NSRP1: variants seen among roughly 807,000 people sequenced by gnomAD.
The protein encoded by NSRP1 is coiled-coil domain containing 55.
A neutral mutation model predicts 54.7 loss-of-function variants in NSRP1; 24 were observed. That is an observed-to-expected ratio of 0.44 (90% CI 0.32 to 0.62). NSRP1 has a LOEUF of 0.62. Among genes scored for constraint, NSRP1 ranks in the 20% least tolerant of loss-of-function variants. NSRP1 has a pLI of 0.06. For missense variants in NSRP1, 596 were observed against 651.2 expected (o/e 0.92, Z 0.92); for synonymous variants, 210 against 213.8 (o/e 0.98, Z 0.15).
intron 2 of NSRP1, among the ~76,000 whole-genome samples, chr17:30,151,774 CTTTTTTTTTTTTTTT>C (rs780507533): frequency 2.2e-4 from 11 of 48,920 alleles, no homozygotes; most frequent in Non-Finnish European, 3.2e-4. Context: ...TTGTCACTTT[CTTTTTTTTTTTTTTT>C]TTTTTTTTTT....
chr17:30,166,503 A>G (rs73987728), intron 2 of NSRP1, among the ~76,000 whole-genome samples: 4,187 of 152,272 alleles, frequency 0.027, 168 homozygotes, highest in African/African-American at 0.095. Context: ...TTGTGTTAGT[A>G]TTTGAAAAAA....
At chr17:30,181,088 C>T (rs1385639024) in intron 6 of NSRP1, 72 bp downstream of exon 6, 2 of 958,104 alleles carry the variant, frequency 2.1e-6, no homozygotes, top group East Asian at 4.9e-5. Flanking sequence ...GTCATTTTAA[C>T]CCTCTGAAAG....
chr17:30,134,258 G>A (rs556754061), intron 2 of NSRP1, among the ~76,000 whole-genome samples: 5 of 152,154 alleles, frequency 3.3e-5, no homozygotes, highest in African/African-American at 7.2e-5. Context: ...AAACAGATAC[G>A]TTAATAACAC....
chr17:30,162,097 C>T (rs1178996888), intron 2 of NSRP1, among the ~76,000 whole-genome samples: 2 of 150,428 alleles, frequency 1.3e-5, no homozygotes, highest in Non-Finnish European at 2.9e-5. Flanking sequence ...TCTCAGCTCA[C>T]TACAACCTCC....
chr17:30,117,051 G>T, intron 1 of NSRP1, 188 bp downstream of exon 1: 1 of 795,230 alleles, frequency 1.3e-6, no homozygotes, highest in Non-Finnish European at 2.2e-6. Flanking sequence ...ATGGAAGCCC[G>T]AAGTTTGAGG....
chr17:30,171,953 CA>C (rs1904947358), intron 2 of NSRP1, among the ~76,000 whole-genome samples: 1 of 134,276 alleles, frequency 7.4e-6, no homozygotes, highest in African/African-American at 2.8e-5. Flanking sequence ...CACACACACA[CA>C]CACACACACA....
chr17:30,184,545 C>G (rs557375052), intron 6 of NSRP1, 70 bp from the exon 7 acceptor site: 576 of 1,486,674 alleles, frequency 3.9e-4, no homozygotes, highest in Non-Finnish European at 5.0e-4. Flanking sequence ...ATTATATGAA[C>G]CCTTCATTTG....
At chr17:30,153,684 T>G (rs2071934645) in intron 2 of NSRP1, among the ~76,000 whole-genome samples, 5 of 152,086 alleles carry the variant, frequency 3.3e-5, no homozygotes, top group Admixed American at 3.3e-4. Context: ...TGTGGCTACT[T>G]TTGTGCTACA....
At chr17:30,118,438 A>G (rs1328082273) in intron 2 of NSRP1, among the ~76,000 whole-genome samples, 1 of 152,232 alleles carries the variant, frequency 6.6e-6, no homozygotes, top group Non-Finnish European at 1.5e-5. Flanking sequence ...TTGTTGGTGT[A>G]AAGATCCCTA....
At chr17:30,162,127 T>C (rs1904540626) in intron 2 of NSRP1, among the ~76,000 whole-genome samples, 1 of 151,296 alleles carries the variant, frequency 6.6e-6, no homozygotes, top group South Asian at 2.1e-4. Context: ...CAGGTTCAGG[T>C]GATTCTCCTG....
chr17:30,123,526 G>A (rs1281488216), intron 2 of NSRP1, among the ~76,000 whole-genome samples: 1 of 152,128 alleles, frequency 6.6e-6, no homozygotes, highest in Non-Finnish European at 1.5e-5. Context: ...TGGGTTGTCT[G>A]TTCACTTTTC....
At chr17:30,181,086 A>G in intron 6 of NSRP1, 70 bp downstream of exon 6, 1 of 960,084 alleles carries the variant, frequency 1.0e-6, no homozygotes, top group South Asian at 1.3e-5. Flanking sequence ...GGGTCATTTT[A>G]ACCCTCTGAA....
chr17:30,142,041 T>A (rs2071810352), intron 2 of NSRP1, among the ~76,000 whole-genome samples: 1 of 152,216 alleles, frequency 6.6e-6, no homozygotes, highest in African/African-American at 2.4e-5. Flanking sequence ...AGGTGGGGCA[T>A]GCTCTCTTTG....
chr17:30,145,210 A>G lies in NSRP1; in HGVS notation c.114+27037A>G, dbSNP rs2071842695. ...TTTAAAAAATTCTCATACATGTCCCAGTAGAAACCCTTGTGAAAGTTTTTA... is the reference window on the plus strand; with the variant it reads ...TTTAAAAAATTCTCATACATGTCCCGGTAGAAACCCTTGTGAAAGTTTTTA... On this transcript the variant is annotated intron_variant, in intron 2 of 6. Transcript: ENST00000247026. 2.0e-5 allele frequency among the ~76,000 whole-genome samples: 3 copies of G among 152,316 alleles called. No individual in the cohort carries two copies. In the South Asian group the frequency reaches 6.2e-4, roughly 32 times the overall value.
intron 2 of NSRP1, among the ~76,000 whole-genome samples, chr17:30,132,709 A>G (rs568189925): frequency 1.3e-5 from 2 of 152,272 alleles, no homozygotes; most frequent in African/African-American, 4.8e-5. Flanking sequence ...TGCCATTTCT[A>G]CCCCATCTGT....
intron 2 of NSRP1, among the ~76,000 whole-genome samples, chr17:30,137,644 A>C (rs2151885063): frequency 6.6e-6 from 1 of 152,362 alleles, no homozygotes; most frequent in Non-Finnish European, 1.5e-5. Context: ...TCTCAAAATT[A>C]ACCAATAACT....
intron 1 of NSRP1, chr17:30,117,190 T>C: frequency 2.9e-6 from 2 of 688,018 alleles, no homozygotes; most frequent in South Asian, 3.1e-5. Flanking sequence ...TCTCCCCGCT[T>C]GGATGCTCTC....
chr17:30,134,520 G>C (rs781309991), intron 2 of NSRP1, among the ~76,000 whole-genome samples: 1 of 152,198 alleles, frequency 6.6e-6, no homozygotes, highest in Admixed American at 6.5e-5. Context: ...TGTTGTCTTA[G>C]GATAGAGATA....
At position 30,186,000 on chromosome 17, in the gene NSRP1, T is replaced by G; in HGVS notation, c.*326T>G. On this transcript the variant is annotated 3_prime_UTR_variant, in exon 7 of 7. Transcript: ENST00000247026. ...AAAAAATAATTTTGGCCAGATACGG[T>G]AGCTCGTGCCTGTAATACCAACATT... 5.9e-6 allele frequency: 1 copy of G among 169,846 alleles called. No homozygotes were observed. Among genetic ancestry groups the G allele is most frequent in the Non-Finnish European group, 1.2e-5 (1 of 80,376 alleles). 10.5% of individuals were successfully genotyped at this position (169,846 alleles called of 1,614,324 possible). A position where few individuals can be genotyped will look rare whatever the true frequency, so the allele number is the denominator to read the frequency against.
Sources: gnomAD v4.1 joint callset for allele counts (sites outside exome capture counted in the v4.1 genomes callset) on GRCh38, gnomAD v4.1.1 for gene constraint, MANE v1.5 for transcripts, NCBI Gene and HGNC (gene_info 2026-07-23, HGNC 2026-07-21) for gene names.